MFHAS1: variants seen among roughly 807,000 people sequenced by gnomAD.
MFHAS1 encodes malignant fibrous histiocytoma-amplified sequence 1.
MFHAS1 carries 50 observed loss-of-function variants against 70.4 expected under a neutral mutation model. The ratio of observed to expected loss-of-function variants is 0.71; its 90% CI spans 0.57 to 0.90. The LOEUF (loss-of-function observed/expected upper bound fraction) is 0.90, where lower values mean the gene tolerates loss of function less well. MFHAS1 is among the 40% of genes least tolerant of loss of function. The pLI, the probability that MFHAS1 is intolerant of heterozygous loss-of-function variation, is 0.00. For synonymous variants in MFHAS1, 952 were observed against 620.0 expected, an observed-to-expected ratio of 1.54 and a Z score of -7.96; for missense variants, 1,795 against 1,347.6, an observed-to-expected ratio of 1.33 and a Z score of -5.20.
intron 1 of MFHAS1, among the ~76,000 whole-genome samples, chr8:8,805,111 G>T (rs528055536): frequency 6.6e-6 from 1 of 152,126 alleles, no homozygotes; most frequent in African/African-American, 2.4e-5. Context: ...AGATCACAAC[G>T]GCCCTTCCAA....
At chr8:8,874,852 A>C (rs1407212267) in intron 1 of MFHAS1, among the ~76,000 whole-genome samples, 1 of 152,158 alleles carries the variant, frequency 6.6e-6, no homozygotes, top group African/African-American at 2.4e-5. Context: ...TGATAGACAA[A>C]AGGTTATCTT....
intron 1 of MFHAS1, among the ~76,000 whole-genome samples, chr8:8,840,655 TG>T (rs1807786283): frequency 1.3e-5 from 2 of 152,148 alleles, no homozygotes; most frequent in African/African-American, 2.4e-5. Context: ...TCTTTTAAGA[TG>T]GATGATCACT....
rs1208441182 is a variant in MFHAS1 at position 8,797,592 on chromosome 8, G to A, written c.2999-101C>T. 9 of 1,318,968 alleles carry A rather than the reference G, an allele frequency of 6.8e-6. No individual in the cohort carries two copies. The African/African-American group carries it at 8.8e-5, about 13-fold the overall frequency. The allele number at this position is 1,318,968 out of a possible 1,614,324, so 81.7% of individuals were successfully genotyped here. ...CCGGGGATGGGGGCAGGGGGAGAAG[G>A]GCAGAGGTGAAGCAACGAAGGATGT... On this transcript the variant is annotated intron_variant, in intron 1 of 2. Transcript: ENST00000276282.
chr8:8,808,737 A>G (rs1329467544), intron 1 of MFHAS1, among the ~76,000 whole-genome samples: 1 of 152,224 alleles, frequency 6.6e-6, no homozygotes, highest in East Asian at 1.9e-4. Flanking sequence ...ATTTGTGGGC[A>G]AAAGATATGA....
At chr8:8,824,809 G>A (rs1807096428) in intron 1 of MFHAS1, among the ~76,000 whole-genome samples, 1 of 152,180 alleles carries the variant, frequency 6.6e-6, no homozygotes. Context: ...TTAGAGAACA[G>A]GTAAGCAAGT....
chr8:8,866,062 G>A (rs1018261865), intron 1 of MFHAS1, among the ~76,000 whole-genome samples: 1 of 152,176 alleles, frequency 6.6e-6, no homozygotes, highest in Non-Finnish European at 1.5e-5. Context: ...GATTTGGCTG[G>A]CCAATTTTTA....
rs571405710 is a variant in MFHAS1, at chr8:8,813,025, C to T, written c.2999-15534G>A. Among the ~76,000 whole-genome samples, 4 of 152,272 alleles carry T rather than the reference C, an allele frequency of 2.6e-5. No homozygotes were observed. In the South Asian group the frequency reaches 8.3e-4, roughly 32 times the overall value. On this transcript the variant is annotated intron_variant, in intron 1 of 2. Coordinates refer to ENST00000276282, the MANE Select transcript of MFHAS1 (RefSeq NM_004225.3). ...CAAGTGATCTGTCCACTTCAGCCTCCCAAAGTGCTGGGATTACAGGCATGA... is the reference window on the plus strand; with the variant it reads ...CAAGTGATCTGTCCACTTCAGCCTCTCAAAGTGCTGGGATTACAGGCATGA...
At chr8:8,879,976 A>G (rs1441971559) in intron 1 of MFHAS1, among the ~76,000 whole-genome samples, 1 of 152,226 alleles carries the variant, frequency 6.6e-6, no homozygotes, top group Admixed American at 6.5e-5. Flanking sequence ...AAAAAGCTCT[A>G]TGCAGAAGAC....
At chr8:8,862,941 T>G (rs762068306) in intron 1 of MFHAS1, among the ~76,000 whole-genome samples, 1 of 152,186 alleles carries the variant, frequency 6.6e-6, no homozygotes, top group Non-Finnish European at 1.5e-5. Flanking sequence ...TCACTAAGAG[T>G]TTCTCCTATG....
chr8:8,835,300 AGTTT>A (rs1807558004), intron 1 of MFHAS1, among the ~76,000 whole-genome samples: 1 of 152,226 alleles, frequency 6.6e-6, no homozygotes, highest in Admixed American at 6.5e-5. Flanking sequence ...ACCTTAATAA[AGTTT>A]ATTTAGAAAT....
intron 1 of MFHAS1, among the ~76,000 whole-genome samples, chr8:8,869,658 G>C (rs916227988): frequency 3.9e-5 from 6 of 152,278 alleles, no homozygotes; most frequent in Non-Finnish European, 8.8e-5. Flanking sequence ...CAGTCCTGTT[G>C]AAATTAATCT....
intron 1 of MFHAS1, among the ~76,000 whole-genome samples, chr8:8,859,139 G>A (rs332032): frequency 6.6e-6 from 1 of 152,208 alleles, no homozygotes; most frequent in African/African-American, 2.4e-5. Context: ...GATCACTTGA[G>A]GTCAGGAGTT....
At chr8:8,815,603 T>C (rs1806712182) in intron 1 of MFHAS1, among the ~76,000 whole-genome samples, 1 of 152,206 alleles carries the variant, frequency 6.6e-6, no homozygotes, top group African/African-American at 2.4e-5. Flanking sequence ...TGATTCACAT[T>C]TTTCTAATGA....
chr8:8,862,821 G>T (rs1203653146), intron 1 of MFHAS1, among the ~76,000 whole-genome samples: 2 of 152,168 alleles, frequency 1.3e-5, no homozygotes, highest in Non-Finnish European at 2.9e-5. Flanking sequence ...CATGTGTGGG[G>T]ACAGGGAACA....
chr8:8,815,966 T>C (rs980290880), intron 1 of MFHAS1, among the ~76,000 whole-genome samples: 21 of 152,228 alleles, frequency 1.4e-4, no homozygotes, highest in Admixed American at 1.2e-3. Context: ...TAGACTACTA[T>C]CTAGGAAGGA....
chr8:8,796,312 G>A (rs1256828764), intron 2 of MFHAS1, among the ~76,000 whole-genome samples: 2 of 152,146 alleles, frequency 1.3e-5, no homozygotes, highest in Non-Finnish European at 2.9e-5. Flanking sequence ...GCCTATTACT[G>A]ACTTTCTGCA....
intron 1 of MFHAS1, among the ~76,000 whole-genome samples, chr8:8,813,011 T>A (rs1401430803): frequency 6.6e-6 from 1 of 152,150 alleles, no homozygotes; most frequent in Admixed American, 6.5e-5. Context: ...AAGTGATCTG[T>A]CCACTTCAGC....
intron 1 of MFHAS1, among the ~76,000 whole-genome samples, chr8:8,868,089 C>A (rs1808930855): frequency 6.6e-6 from 1 of 152,052 alleles, no homozygotes; most frequent in South Asian, 2.1e-4. Context: ...GTATAGCGCA[C>A]AAACCTGATC....
Position 8,891,280 on chromosome 8 carries a change from T to G in MFHAS1, c.1779A>C (p.Ala593=). The change falls in exon 1 of 3, where the codon GCA becomes GCC. Residue 593 remains alanine, a synonymous_variant. Transcript: ENST00000276282. The surrounding 1 kb of genome is among the most constrained non-coding windows in gnomAD (Gnocchi z 5.4). ...DFELRSASPH[A]AYYGVSDKNL... ...TCTTGTCCGAAACGCCATAGTAGGC[T>G]GCGTGGGGGCTGGCAGAGCGCAGCT... is the stretch of plus-strand genomic sequence containing the variant. The G allele has an allele frequency of 1.2e-6, 2 of 1,611,954 alleles. No homozygotes were observed. The highest frequency in any genetic ancestry group is 1.7e-6 in the Non-Finnish European group (2 of 1,180,012).
Sources: gnomAD v4.1 joint callset for allele counts (sites outside exome capture counted in the v4.1 genomes callset) on GRCh38, gnomAD v4.1.1 for gene constraint, Gnocchi (gnomAD v3.1) non-coding constraint, MANE v1.5 for transcripts, NCBI Gene and HGNC (gene_info 2026-07-23, HGNC 2026-07-21) for gene names.